Variants in DLG2 observed in about 807,000 individuals in gnomAD.
DLG2 encodes the protein discs large MAGUK scaffold protein 2, also known as disks large homolog 2.
In DLG2, 45 loss-of-function variants were observed where a neutral mutation model predicts 132.5. The ratio of observed to expected loss-of-function variants is 0.34; its 90% CI spans 0.27 to 0.44. The LOEUF (loss-of-function observed/expected upper bound fraction) is 0.44. Among genes scored for constraint, DLG2 ranks in the 20% least tolerant of loss-of-function variants. DLG2 has a pLI of 1.00. For synonymous variants in DLG2, 424 were observed against 419.6 expected, an observed-to-expected ratio of 1.01 and a Z score of -0.13; for missense variants, 1,045 against 1,196.9, an observed-to-expected ratio of 0.87 and a Z score of 1.87.
intron 18 of DLG2, among the ~76,000 whole-genome samples, chr11:83,699,952 C>CAT (rs1262907336): frequency 6.6e-6 from 1 of 151,266 alleles, no homozygotes; most frequent in East Asian, 1.9e-4. Flanking sequence ...CACACACACA[C>CAT]ACACACACAC....
intron 7 of DLG2, among the ~76,000 whole-genome samples, chr11:84,431,895 CT>C (rs928775795): frequency 1.3e-5 from 2 of 151,832 alleles, no homozygotes; most frequent in African/African-American, 4.8e-5. Context: ...CATTGGCAAT[CT>C]TTTTTTTAGT....
At chr11:83,714,340 CTTAA>C (rs1386456788) in intron 18 of DLG2, among the ~76,000 whole-genome samples, 2 of 152,022 alleles carry the variant, frequency 1.3e-5, no homozygotes, top group African/African-American at 4.8e-5. Flanking sequence ...TGGGGAGACA[CTTAA>C]TTGAGGGCTA....
At chr11:83,774,148 T>C (rs1329619025) in intron 18 of DLG2, among the ~76,000 whole-genome samples, 1 of 152,188 alleles carries the variant, frequency 6.6e-6, no homozygotes, top group Non-Finnish European at 1.5e-5. Flanking sequence ...GACAGTTTAT[T>C]TGAAACTTCC....
rs556702053 is a variant in DLG2, at chr11:83,471,849, G to A, written c.2345-122C>T. On this transcript the variant is annotated intron_variant, in intron 23 of 27. Transcript: ENST00000376104. Reference sequence around the variant, plus strand: ...GAGATGCTAAGGGCATTACTTCACTGGATAAATTACTCATACAGCCTTGCA... The same window carrying A: ...GAGATGCTAAGGGCATTACTTCACTAGATAAATTACTCATACAGCCTTGCA... 3.3e-4 allele frequency: 247 copies of A among 741,082 alleles called. 8 individuals carry two copies. In the South Asian group the frequency reaches 4.1e-3, roughly 12 times the overall value. 45.9% of individuals were successfully genotyped at this position (741,082 alleles called of 1,614,324 possible). A position where few individuals can be genotyped will look rare whatever the true frequency, so the allele number is the denominator to read the frequency against.
chr11:84,243,080 G>A (rs561567542), intron 8 of DLG2, among the ~76,000 whole-genome samples: 1 of 141,288 alleles, frequency 7.1e-6, no homozygotes, highest in South Asian at 2.2e-4. Context: ...ATCATTTCTT[G>A]ATAACAAATT....
At position 84,610,141 on chromosome 11, in the gene DLG2, GAT is replaced by G. The variant is rs1487320056; in HGVS notation, c.358-75412_358-75411del. On this transcript the variant is annotated intron_variant, in intron 6 of 27. Transcript: ENST00000376104. ...GGCACTGATGAAATACATAAAATGAGATATGTGGATGATACTGAAGGAAAAAG... is the reference window on the plus strand; with the variant it reads ...GGCACTGATGAAATACATAAAATGAGATGTGGATGATACTGAAGGAAAAAG... Among the ~76,000 whole-genome samples the G allele has an allele frequency of 2.0e-5, 3 of 152,026 alleles. No homozygotes were observed. In the East Asian group the frequency reaches 5.8e-4, roughly 29 times the overall value.
intron 3 of DLG2, among the ~76,000 whole-genome samples, chr11:85,351,462 T>G (rs2083280852): frequency 6.6e-6 from 1 of 152,182 alleles, no homozygotes; most frequent in Non-Finnish European, 1.5e-5. Flanking sequence ...ATAGGAGTGG[T>G]GAGAGAGGGC....
chr11:83,661,993 T>C (rs143695630), intron 18 of DLG2, among the ~76,000 whole-genome samples: 2 of 152,360 alleles, frequency 1.3e-5, no homozygotes, highest in Non-Finnish European at 2.9e-5. Flanking sequence ...TGTATTTTAA[T>C]ATACTTGGAG....
intron 7 of DLG2, chr11:84,316,811 A>C: frequency 6.3e-7 from 1 of 1,590,738 alleles, no homozygotes; most frequent in Non-Finnish European, 8.6e-7. Flanking sequence ...GAAAGTCATA[A>C]GGAAAAGGCT....
chr11:83,523,976 G>T (rs1457347534), intron 21 of DLG2, among the ~76,000 whole-genome samples: 1 of 152,128 alleles, frequency 6.6e-6, no homozygotes, highest in African/African-American at 2.4e-5. Context: ...GGCAGTTTTG[G>T]CAACTCTCCC....
chr11:85,570,395 T>G (rs1217016288), intron 3 of DLG2, among the ~76,000 whole-genome samples: 1 of 152,220 alleles, frequency 6.6e-6, no homozygotes, highest in Non-Finnish European at 1.5e-5. Flanking sequence ...TAGATGTCTG[T>G]TAGGTCCACT....
chr11:83,628,526 A>G (rs1591265502), intron 19 of DLG2, among the ~76,000 whole-genome samples: 1 of 152,120 alleles, frequency 6.6e-6, no homozygotes, highest in East Asian at 1.9e-4. Flanking sequence ...CAGTTTCTTC[A>G]TCTATAAAAT....
intron 18 of DLG2, among the ~76,000 whole-genome samples, chr11:83,772,806 A>G (rs2094451536): frequency 1.3e-5 from 2 of 152,256 alleles, no homozygotes; most frequent in South Asian, 4.1e-4. Flanking sequence ...AATAAGATTT[A>G]CCTGTATTCC....
chr11:83,819,140 C>T (rs2049971417), intron 17 of DLG2, among the ~76,000 whole-genome samples: 1 of 152,008 alleles, frequency 6.6e-6, no homozygotes, highest in African/African-American at 2.4e-5. Context: ...AAAGGGAGTT[C>T]CCGCTCAGCA....
In DLG2 at chr11:85,130,872, C is replaced by G. The variant is rs143016147; in HGVS notation, c.283-19137G>C. Among the ~76,000 whole-genome samples, 711 of 152,240 alleles carry G rather than the reference C, an allele frequency of 4.7e-3. 3 individuals carry two copies. The highest frequency in any genetic ancestry group is 8.1e-3 in the Non-Finnish European group (551 of 68,026). ...TGCAGTCTAAAGTCCTCTAAGAGGTCTCTTCACCTATGTCCAGCTTTTGAA... is the reference window on the plus strand; with the variant it reads ...TGCAGTCTAAAGTCCTCTAAGAGGTGTCTTCACCTATGTCCAGCTTTTGAA... On this transcript the variant is annotated intron_variant, in intron 5 of 27. Coordinates refer to ENST00000376104, the MANE Select transcript of DLG2 (RefSeq NM_001142699.3).
Position 85,246,899 on chromosome 11 carries a change from A to G in DLG2, c.186+38321T>C, listed in dbSNP as rs577712705. Among the ~76,000 whole-genome samples the G allele has an allele frequency of 8.3e-4, 126 of 152,258 alleles. 1 individual carries two copies. The highest frequency in any genetic ancestry group is 1.7e-3 in the South Asian group (8 of 4,832). On this transcript the variant is annotated intron_variant, in intron 4 of 27. Coordinates refer to ENST00000376104, the MANE Select transcript of DLG2 (RefSeq NM_001142699.3). The stretch of plus-strand genomic sequence containing the variant: ...ATTACATAGTAACTAGGCCTTTAGT[A>G]TAATTTAAGAGCATTGCTGTTTTTG...
At chr11:83,668,840 C>CACATATATATGTGTATATAA (rs2076302816) in intron 18 of DLG2, among the ~76,000 whole-genome samples, 1 of 103,332 alleles carries the variant, frequency 9.7e-6, no homozygotes, top group Non-Finnish European at 1.9e-5. Flanking sequence ...TGTATATAAA[C>CACATATATATGTGTATATAA]ACACACACAC....
chr11:84,948,214 C>A (rs900909741), intron 6 of DLG2, among the ~76,000 whole-genome samples: 6 of 152,244 alleles, frequency 3.9e-5, no homozygotes, highest in Non-Finnish European at 8.8e-5. Context: ...CTTCCCATAG[C>A]AGACTAACTT....
chr11:84,696,114 G>C (rs2058588288), intron 6 of DLG2, among the ~76,000 whole-genome samples: 1 of 151,488 alleles, frequency 6.6e-6, no homozygotes, highest in African/African-American at 2.4e-5. Context: ...TGAATAAGTA[G>C]AAGGTCTGGG....
Sources: allele counts gnomAD v4.1 joint callset (sites outside exome capture counted in the v4.1 genomes callset), GRCh38; gene constraint gnomAD v4.1.1; transcripts MANE v1.5; gene names NCBI Gene and HGNC (gene_info 2026-07-23, HGNC 2026-07-21).